The following PTPRD variants were observed in gnomAD, a reference collection of about 807,000 sequenced individuals.
PTPRD encodes the protein receptor-type tyrosine-protein phosphatase delta.
In PTPRD, 34 loss-of-function variants were observed where a neutral mutation model predicts 214.5. That is an observed-to-expected ratio of 0.16 (90% CI 0.12 to 0.21). The LOEUF (loss-of-function observed/expected upper bound fraction) is 0.21, where lower values mean the gene tolerates loss of function less well. Ranked by LOEUF, PTPRD falls within the 10% of genes least tolerant of loss-of-function variation. The pLI is 1.00. For synonymous variants in PTPRD, 1,128 were observed against 845.7 expected, an observed-to-expected ratio of 1.33 and a Z score of -5.79; for missense variants, 2,545 against 2,398.7, an observed-to-expected ratio of 1.06 and a Z score of -1.27.
intron 11 of PTPRD, among the ~76,000 whole-genome samples, chr9:8,736,904 T>C (rs998834762): frequency 6.6e-6 from 1 of 152,112 alleles, no homozygotes; most frequent in Non-Finnish European, 1.5e-5. Flanking sequence ...GAATCAGCTC[T>C]CCCCTCCCCA....
At chr9:9,884,414 T>C (rs1157321163) in intron 5 of PTPRD, among the ~76,000 whole-genome samples, 1 of 152,164 alleles carries the variant, frequency 6.6e-6, no homozygotes, top group East Asian at 1.9e-4. Context: ...TCAGATTCTA[T>C]CTCTGTAAGA....
At chr9:10,543,475 T>TAC (rs201493444) in intron 2 of PTPRD, among the ~76,000 whole-genome samples, 10,386 of 104,158 alleles carry the variant, frequency 0.1, 625 homozygotes, top group African/African-American at 0.22. Context: ...TTAATATATA[T>TAC]ATATACACAC....
At chr9:8,482,377 G>A (rs1479484383) in intron 30 of PTPRD, among the ~76,000 whole-genome samples, 1 of 151,766 alleles carries the variant, frequency 6.6e-6, no homozygotes, top group Non-Finnish European at 1.5e-5. Flanking sequence ...CTTGTTATTT[G>A]CCTAGAGTCA....
chr9:8,422,685 G>A (rs2094442638), intron 35 of PTPRD, among the ~76,000 whole-genome samples: 1 of 152,140 alleles, frequency 6.6e-6, no homozygotes, highest in East Asian at 1.9e-4. Flanking sequence ...ATAATAGGAT[G>A]ATTTCTTGAG....
At chr9:10,103,395 T>TATATATATATATATATATATATATATATC (rs34926923) in intron 3 of PTPRD, among the ~76,000 whole-genome samples, 1 of 116,698 alleles carries the variant, frequency 8.6e-6, no homozygotes, top group Non-Finnish European at 1.8e-5. Context: ...ATATATATAT[T>TATATATATATATATATATATATATATATC]TATTTAAGAG....
chr9:8,933,348 T>TTTTTTTG lies in PTPRD; in HGVS notation c.-104+85348_-104+85349insCAAAAAA, dbSNP rs1555544970. Among the ~76,000 whole-genome samples, 63 of 146,064 alleles carry TTTTTTTG rather than the reference T, an allele frequency of 4.3e-4. 2 individuals are homozygous for TTTTTTTG. Among genetic ancestry groups the TTTTTTTG allele is most frequent in the African/African-American group, 1.5e-3 (61 of 39,940 alleles). On this transcript the variant is annotated intron_variant, in intron 11 of 45. Coordinates refer to ENST00000381196, the MANE Select transcript of PTPRD (RefSeq NM_002839.4). ...CCAGCCACAACCTTGAGGTTTTTTT[T>TTTTTTTG]TTTTTTTTTTTTTTTACATAAAAGG... is the stretch of plus-strand genomic sequence containing the variant.
At chr9:9,427,708 G>T (rs2081487798) in intron 8 of PTPRD, among the ~76,000 whole-genome samples, 1 of 152,166 alleles carries the variant, frequency 6.6e-6, no homozygotes, top group African/African-American at 2.4e-5. Flanking sequence ...ACTAACAGCT[G>T]ATCTCTCGGC....
intron 31 of PTPRD, among the ~76,000 whole-genome samples, chr9:8,466,301 T>C (rs1248369533): frequency 6.6e-6 from 1 of 151,934 alleles, no homozygotes; most frequent in Non-Finnish European, 1.5e-5. Flanking sequence ...CCTTACACTT[T>C]ATCATGGAGT....
chr9:10,042,560 A>C (rs1318944667), intron 3 of PTPRD, among the ~76,000 whole-genome samples: 1 of 151,922 alleles, frequency 6.6e-6, no homozygotes, highest in African/African-American at 2.4e-5. Context: ...CCCTCAGGAA[A>C]GGTAACAAGC....
chr9:8,422,217 T>C (rs1323894627), intron 35 of PTPRD, among the ~76,000 whole-genome samples: 3 of 145,058 alleles, frequency 2.1e-5, no homozygotes, highest in Non-Finnish European at 3.0e-5. Context: ...AATAAAATGA[T>C]GAAGAAAAAC....
chr9:9,063,256 G>A (rs996548844), intron 10 of PTPRD, among the ~76,000 whole-genome samples: 9 of 152,052 alleles, frequency 5.9e-5, no homozygotes, highest in Non-Finnish European at 2.9e-5. Flanking sequence ...ACTTGAAGAT[G>A]GCTTCCAGTA....
intron 44 of PTPRD, among the ~76,000 whole-genome samples, chr9:8,321,163 A>C (rs910836347): frequency 1.3e-4 from 20 of 152,012 alleles, no homozygotes; most frequent in Admixed American, 6.6e-5. Context: ...GGTCCCTTTT[A>C]ACCTTGAAAG....
intron 39 of PTPRD, among the ~76,000 whole-genome samples, chr9:8,365,168 C>A (rs1488518720): frequency 1.3e-5 from 2 of 151,990 alleles, no homozygotes; most frequent in African/African-American, 2.4e-5. Flanking sequence ...GAGAAGGCTG[C>A]AGGAGGGGAA....
intron 8 of PTPRD, among the ~76,000 whole-genome samples, chr9:9,564,136 A>C (rs1346401840): frequency 6.6e-6 from 1 of 152,136 alleles, no homozygotes; most frequent in Non-Finnish European, 1.5e-5. Context: ...ATGTCAGCCA[A>C]AGAGGCTATT....
At chr9:10,126,133 C>A (rs1309205170) in intron 3 of PTPRD, among the ~76,000 whole-genome samples, 1 of 152,038 alleles carries the variant, frequency 6.6e-6, no homozygotes, top group Non-Finnish European at 1.5e-5. Context: ...ATCAATCCAA[C>A]AATTCAAGAA....
At chr9:10,289,496 T>A (rs1293314644) in intron 3 of PTPRD, among the ~76,000 whole-genome samples, 1 of 152,112 alleles carries the variant, frequency 6.6e-6, no homozygotes, top group East Asian at 1.9e-4. Context: ...ACAATCACTA[T>A]GACGAGAAAT....
intron 8 of PTPRD, among the ~76,000 whole-genome samples, chr9:9,557,027 T>G (rs139363735): frequency 1.1e-4 from 17 of 152,322 alleles, no homozygotes; most frequent in African/African-American, 4.1e-4. Context: ...ATCCACAGAA[T>G]GCTGATTCAT....
At chr9:8,712,426 G>A (rs1446469744) in intron 12 of PTPRD, among the ~76,000 whole-genome samples, 1 of 149,200 alleles carries the variant, frequency 6.7e-6, no homozygotes, top group Non-Finnish European at 1.5e-5. Flanking sequence ...TTTTACTGGT[G>A]TTATTTTCGT....
intron 30 of PTPRD, among the ~76,000 whole-genome samples, chr9:8,471,857 C>T (rs183827110): frequency 1.2e-4 from 19 of 152,278 alleles, no homozygotes; most frequent in Non-Finnish European, 2.2e-4. Flanking sequence ...TTTGTCACTT[C>T]AGTCTAGTAT....
Sources: allele counts gnomAD v4.1 joint callset (sites outside exome capture counted in the v4.1 genomes callset), GRCh38; gene constraint gnomAD v4.1.1; transcripts MANE v1.5; gene names NCBI Gene and HGNC (gene_info 2026-07-23, HGNC 2026-07-21).